The following MBOAT2 variants were observed in gnomAD, a reference collection of about 807,000 sequenced individuals.
MBOAT2 encodes the protein membrane-bound glycerophospholipid O-acyltransferase 2.
A neutral mutation model predicts 63.4 loss-of-function variants in MBOAT2; 28 were observed. The ratio of observed to expected loss-of-function variants is 0.44; its 90% CI spans 0.33 to 0.61. The LOEUF is 0.61. Ranked by LOEUF, MBOAT2 falls within the 20% of genes least tolerant of loss-of-function variation. MBOAT2 has a pLI of 0.03. For synonymous variants in MBOAT2, 211 were observed against 215.6 expected, an observed-to-expected ratio of 0.98 and a Z score of 0.19; for missense variants, 470 against 605.8, an observed-to-expected ratio of 0.78 and a Z score of 2.35.
chr2:8,959,480 A>C (rs1354576002), intron 1 of MBOAT2, among the ~76,000 whole-genome samples: 1 of 141,812 alleles, frequency 7.1e-6, no homozygotes, highest in Non-Finnish European at 1.5e-5. Context: ...TTTTTTTTTT[A>C]AGACAGGGTC....
intron 3 of MBOAT2, among the ~76,000 whole-genome samples, chr2:8,930,778 T>G (rs1159115770): frequency 6.6e-6 from 1 of 151,686 alleles, no homozygotes; most frequent in East Asian, 2.0e-4. Context: ...GACGAGTTAA[T>G]GGGTGCAGCA....
chr2:8,859,035 A>AT, intron 12 of MBOAT2, 131 bp from the exon 13 acceptor site: 1 of 694,408 alleles, frequency 1.4e-6, no homozygotes, highest in South Asian at 2.0e-5. Flanking sequence ...TTATTCTTTT[A>AT]TTTTTCCCCC....
chr2:8,871,897 A>G (rs1314087933), intron 8 of MBOAT2, among the ~76,000 whole-genome samples: 2 of 152,252 alleles, frequency 1.3e-5, no homozygotes, highest in Non-Finnish European at 2.9e-5. Flanking sequence ...GCAGAACACA[A>G]TCTTAAGAAT....
intron 5 of MBOAT2, among the ~76,000 whole-genome samples, chr2:8,885,436 T>C (rs147898315): frequency 6.6e-6 from 1 of 152,294 alleles, no homozygotes; most frequent in East Asian, 1.9e-4. Flanking sequence ...ATGCAAATAT[T>C]CCAAAACCCG....
rs369340179 is a variant in MBOAT2 at position 9,000,181 on chromosome 2, A to C, written c.75+3359T>G. On this transcript the variant is annotated intron_variant, in intron 1 of 12. Coordinates refer to ENST00000305997, the MANE Select transcript of MBOAT2 (RefSeq NM_138799.4). ...CTTTTATAATTTCCCAATTTTTCAAAACATTGTTAATTAGCACATACCAAA... is the reference window on the plus strand; with the variant it reads ...CTTTTATAATTTCCCAATTTTTCAACACATTGTTAATTAGCACATACCAAA... Among the ~76,000 whole-genome samples the C allele has an allele frequency of 3.3e-5, 5 of 152,158 alleles. No homozygotes were observed. The Middle Eastern group carries it at 0.01, about 311-fold the overall frequency.
At chr2:8,897,228 T>C (rs1481906742) in intron 4 of MBOAT2, among the ~76,000 whole-genome samples, 2 of 94,778 alleles carry the variant, frequency 2.1e-5, no homozygotes, top group Non-Finnish European at 3.8e-5. Context: ...TCTGTCTCCT[T>C]CTTTGTCTCT....
At position 8,856,947 on chromosome 2, in the gene MBOAT2, T is replaced by A. The variant is rs1661130203; in HGVS notation, c.*1732A>T. On this transcript the variant is annotated 3_prime_UTR_variant, in exon 13 of 13. Coordinates refer to ENST00000305997, the MANE Select transcript of MBOAT2 (RefSeq NM_138799.4). This position sits in a 1 kb window ranked among gnomAD's most constrained non-coding sequence, Gnocchi z 4.2. ...TTAGCCTTATCAGCCGGAAAACACT[T>A]ACTTTTAGATAAATAAAAATAGATT... 1 of 152,340 alleles carries A rather than the reference T, an allele frequency of 6.6e-6. No homozygotes were observed. 9.4% of individuals were successfully genotyped at this position (152,340 alleles called of 1,614,324 possible). A position where few individuals can be genotyped will look rare whatever the true frequency, so the allele number is the denominator to read the frequency against.
chr2:8,934,296 C>A (rs1291530076), intron 3 of MBOAT2, among the ~76,000 whole-genome samples: 3 of 152,166 alleles, frequency 2.0e-5, no homozygotes, highest in African/African-American at 4.8e-5. Flanking sequence ...CACAAACTCT[C>A]CTCAGTCTAT....
At chr2:8,911,875 AACATT>A (rs1247143510) in intron 3 of MBOAT2, among the ~76,000 whole-genome samples, 2 of 152,138 alleles carry the variant, frequency 1.3e-5, no homozygotes, top group African/African-American at 4.8e-5. Context: ...CCTTTATAGA[AACATT>A]ACATTAAGAC....
At chr2:8,963,167 G>T (rs748891122) in intron 1 of MBOAT2, among the ~76,000 whole-genome samples, 8 of 151,944 alleles carry the variant, frequency 5.3e-5, no homozygotes, top group Non-Finnish European at 1.0e-4. Flanking sequence ...GAGCCTTGGA[G>T]GTCAAGGTTG....
At chr2:8,859,956 G>A (rs923713141) in intron 12 of MBOAT2, among the ~76,000 whole-genome samples, 5 of 152,238 alleles carry the variant, frequency 3.3e-5, no homozygotes, top group East Asian at 1.9e-4. Flanking sequence ...AGGCCAAGGC[G>A]GGTGGATCAC....
intron 1 of MBOAT2, among the ~76,000 whole-genome samples, chr2:9,001,855 G>A (rs574153542): frequency 7.0e-4 from 107 of 152,178 alleles, no homozygotes; most frequent in Non-Finnish European, 1.3e-3. Flanking sequence ...TGGAGCGGGA[G>A]GGAAAGAAAG....
At chr2:8,961,605 A>G (rs1669606034) in intron 1 of MBOAT2, among the ~76,000 whole-genome samples, 1 of 152,158 alleles carries the variant, frequency 6.6e-6, no homozygotes, top group Non-Finnish European at 1.5e-5. Flanking sequence ...AAAAAAAGCT[A>G]GATATTTCCC....
chr2:8,963,034 G>A (rs528842310), intron 1 of MBOAT2, among the ~76,000 whole-genome samples: 2 of 152,156 alleles, frequency 1.3e-5, no homozygotes, highest in East Asian at 2.0e-4. Flanking sequence ...CTTGAATCCA[G>A]GAGTTTGAGC....
intron 1 of MBOAT2, among the ~76,000 whole-genome samples, chr2:8,996,751 A>C (rs1264244635): frequency 6.6e-6 from 1 of 152,130 alleles, no homozygotes; most frequent in Non-Finnish European, 1.5e-5. Flanking sequence ...ATTTCCCAAG[A>C]CCTGCCCACA....
chr2:8,870,595 G>C (rs758203943), intron 8 of MBOAT2, among the ~76,000 whole-genome samples: 4 of 152,118 alleles, frequency 2.6e-5, no homozygotes, highest in Admixed American at 6.6e-5. Flanking sequence ...GATGAACGTG[G>C]GCACATGCAT....
intron 12 of MBOAT2, among the ~76,000 whole-genome samples, 200 bp downstream of exon 12, chr2:8,860,413 A>C: frequency 6.6e-6 from 1 of 152,198 alleles, no homozygotes; most frequent in Non-Finnish European, 1.5e-5. Context: ...TAAATCACTC[A>C]TCTGAGGGTT....
intron 9 of MBOAT2, among the ~76,000 whole-genome samples, chr2:8,866,312 C>T (rs1317129851): frequency 1.3e-5 from 2 of 151,980 alleles, no homozygotes; most frequent in African/African-American, 4.8e-5. Flanking sequence ...TACAGATACA[C>T]AGTGTATCTG....
intron 3 of MBOAT2, among the ~76,000 whole-genome samples, chr2:8,915,133 T>G (rs1397188294): frequency 1.3e-5 from 2 of 151,782 alleles, no homozygotes; most frequent in East Asian, 3.9e-4. Flanking sequence ...GAGATAAGGT[T>G]TCACCATATT....
Sources: allele counts gnomAD v4.1 joint callset (sites outside exome capture counted in the v4.1 genomes callset), GRCh38; gene constraint gnomAD v4.1.1; non-coding constraint Gnocchi (gnomAD v3.1); transcripts MANE v1.5; gene names NCBI Gene and HGNC (gene_info 2026-07-23, HGNC 2026-07-21).